Variants in EFNA5 observed in about 807,000 individuals in gnomAD.
EFNA5 encodes the protein ephrin A5.
EFNA5 carries 5 observed loss-of-function variants against 22.9 expected under a neutral mutation model. The ratio of observed to expected loss-of-function variants is 0.22; its 90% CI spans 0.11 to 0.46. The LOEUF (loss-of-function observed/expected upper bound fraction) is 0.46, where lower values mean the gene tolerates loss of function less well. EFNA5 is among the 20% of genes least tolerant of loss of function. EFNA5 has a pLI of 0.99. For missense variants in EFNA5, 237 were observed against 293.3 expected, an observed-to-expected ratio of 0.81 and a Z score of 1.40; for synonymous variants, 113 against 112.2, an observed-to-expected ratio of 1.01 and a Z score of -0.04.
chr5:107,553,423 G>C (rs1748341543), intron 1 of EFNA5, among the ~76,000 whole-genome samples: 1 of 152,198 alleles, frequency 6.6e-6, no homozygotes, highest in Non-Finnish European at 1.5e-5. Flanking sequence ...AGCTTGGTGA[G>C]AGTAATCTAC....
intron 2 of EFNA5, among the ~76,000 whole-genome samples, chr5:107,419,404 T>C (rs1748595459): frequency 6.6e-6 from 1 of 152,184 alleles, no homozygotes; most frequent in African/African-American, 2.4e-5. Flanking sequence ...ACAAAGCGAA[T>C]AGAAGGACTA....
intron 4 of EFNA5, among the ~76,000 whole-genome samples, chr5:107,384,872 T>A (rs1203128437): frequency 6.9e-6 from 1 of 145,360 alleles, no homozygotes; most frequent in Non-Finnish European, 1.5e-5. Flanking sequence ...TCTCAGCCTC[T>A]CAAATTGCTG....
chr5:107,490,187 C>G (rs1307785345), intron 1 of EFNA5, among the ~76,000 whole-genome samples: 2 of 152,202 alleles, frequency 1.3e-5, no homozygotes, highest in African/African-American at 4.8e-5. Flanking sequence ...CTTGGGTGTT[C>G]TGTCTCACTA....
At chr5:107,488,413 A>G (rs1277977820) in intron 1 of EFNA5, among the ~76,000 whole-genome samples, 2 of 152,212 alleles carry the variant, frequency 1.3e-5, no homozygotes, top group African/African-American at 4.8e-5. Flanking sequence ...GAAGTAAAGA[A>G]ATGATGTGCT....
At chr5:107,661,446 AG>A (rs1408486843) in intron 1 of EFNA5, among the ~76,000 whole-genome samples, 19 of 152,354 alleles carry the variant, frequency 1.2e-4, no homozygotes, top group African/African-American at 4.3e-4. Flanking sequence ...TCAAAGTGTC[AG>A]TCACTTCAAA....
intron 1 of EFNA5, among the ~76,000 whole-genome samples, chr5:107,548,132 G>C (rs1029608122): frequency 2.6e-5 from 4 of 152,152 alleles, no homozygotes; most frequent in Non-Finnish European, 1.5e-5. Context: ...GGTCCAGAGA[G>C]GCAAACTAAC....
intron 1 of EFNA5, among the ~76,000 whole-genome samples, chr5:107,521,113 G>C (rs140861350): frequency 1.7e-3 from 257 of 152,238 alleles, no homozygotes; most frequent in Middle Eastern, 0.01. Flanking sequence ...CTCATTGTGA[G>C]TTGAAAATTA....
intron 1 of EFNA5, among the ~76,000 whole-genome samples, chr5:107,637,837 T>TTTTATTTATTTA (rs34019093): frequency 2.3e-3 from 336 of 147,744 alleles, no homozygotes; most frequent in Non-Finnish European, 3.8e-3. Context: ...AACAGTTTAT[T>TTTTATTTATTTA]TTTATTTATT....
intron 1 of EFNA5, among the ~76,000 whole-genome samples, chr5:107,644,493 T>C (rs1468060132): frequency 1.3e-5 from 2 of 152,162 alleles, no homozygotes; most frequent in African/African-American, 2.4e-5. Flanking sequence ...CAAAGAAATC[T>C]CATATGTAAA....
intron 1 of EFNA5, among the ~76,000 whole-genome samples, chr5:107,491,439 G>A (rs1382847133): frequency 6.6e-6 from 1 of 152,162 alleles, no homozygotes; most frequent in Non-Finnish European, 1.5e-5. Flanking sequence ...AGCATCCTGA[G>A]TAGCTGGGAT....
Position 107,629,325 on chromosome 5 carries a change from GTCCTT to G in EFNA5, c.125+41159_125+41163del, listed in dbSNP as rs140890018. 5.9e-3 allele frequency among the ~76,000 whole-genome samples: 891 copies of G among 152,148 alleles called. 6 individuals carry two copies. The highest frequency in any genetic ancestry group is 0.02 in the African/African-American group (819 of 41,520). ...GTATTTAAAAAATACATTAAGCCCTGTCCTTTCCATATATATGTTAATGGAATACA... is the reference window on the plus strand; with the variant it reads ...GTATTTAAAAAATACATTAAGCCCTGTCCATATATATGTTAATGGAATACA... On this transcript the variant is annotated intron_variant, in intron 1 of 4. Transcript: ENST00000333274.
chr5:107,431,383 G>A (rs1390752321), intron 1 of EFNA5, among the ~76,000 whole-genome samples: 2 of 152,120 alleles, frequency 1.3e-5, no homozygotes, highest in Non-Finnish European at 2.9e-5. Flanking sequence ...GTATAAAGTA[G>A]AATGGAACCA....
chr5:107,578,945 A>G lies in EFNA5; in HGVS notation c.125+91544T>C, dbSNP rs191894498. Among the ~76,000 whole-genome samples, 71 of 152,306 alleles carry G rather than the reference A, an allele frequency of 4.7e-4. No individual in the cohort carries two copies. The East Asian group carries it at 0.013, about 27-fold the overall frequency. The stretch of plus-strand genomic sequence containing the variant: ...TCCAGCCTTGATCACATTTGTATTT[A>G]CACCAACACAGTCATAAGACAAAAT... On this transcript the variant is annotated intron_variant, in intron 1 of 4. Transcript: ENST00000333274.
chr5:107,380,235 T>C lies in EFNA5; in HGVS notation c.*1020A>G, dbSNP rs913243851. 3 of 152,060 alleles carry C rather than the reference T, an allele frequency of 2.0e-5. No individual in the cohort carries two copies. Among genetic ancestry groups the C allele is most frequent in the African/African-American group, 7.3e-5 (3 of 41,278 alleles). 9.4% of individuals were successfully genotyped at this position (152,060 alleles called of 1,614,324 possible). A position where few individuals can be genotyped will look rare whatever the true frequency, so the allele number is the denominator to read the frequency against. On this transcript the variant is annotated 3_prime_UTR_variant, in exon 5 of 5. Coordinates refer to ENST00000333274, the MANE Select transcript of EFNA5 (RefSeq NM_001962.3). ...CAGCAAAGCCAAATCATGTCTCCTC[T>C]GGCCACTGCGGTCCTCTCCTTGGTA... is the stretch of plus-strand genomic sequence containing the variant.
intron 1 of EFNA5, among the ~76,000 whole-genome samples, chr5:107,562,358 ATC>A (rs530421845): frequency 6.6e-6 from 1 of 150,578 alleles, no homozygotes; most frequent in African/African-American, 2.4e-5. Flanking sequence ...CTCTCTCTCC[ATC>A]TCTCTCTCTC....
chr5:107,579,158 T>G (rs1442069898), intron 1 of EFNA5, among the ~76,000 whole-genome samples: 2 of 152,114 alleles, frequency 1.3e-5, no homozygotes, highest in Non-Finnish European at 2.9e-5. Context: ...TGTCCTTATT[T>G]TATACAGAAG....
At chr5:107,421,200 A>C (rs1222966685) in intron 2 of EFNA5, among the ~76,000 whole-genome samples, 1 of 152,222 alleles carries the variant, frequency 6.6e-6, no homozygotes, top group African/African-American at 2.4e-5. Flanking sequence ...GTAAACTTTT[A>C]ATCTAAATAC....
At position 107,588,526 on chromosome 5, in the gene EFNA5, C is replaced by T. The variant is rs577771179; in HGVS notation, c.125+81963G>A. Among the ~76,000 whole-genome samples, 4 of 152,290 alleles carry T rather than the reference C, an allele frequency of 2.6e-5. No homozygotes were observed. The South Asian group carries it at 8.3e-4, about 32-fold the overall frequency. On this transcript the variant is annotated intron_variant, in intron 1 of 4. Coordinates refer to ENST00000333274, the MANE Select transcript of EFNA5 (RefSeq NM_001962.3). Reference sequence around the variant, plus strand: ...TCATAGACCAGTTTATGCTCCACAGCAGAGAGATTATTAAAAACTATATAT... The same window carrying T: ...TCATAGACCAGTTTATGCTCCACAGTAGAGAGATTATTAAAAACTATATAT...
intron 1 of EFNA5, among the ~76,000 whole-genome samples, chr5:107,543,872 C>A (rs149867602): frequency 3.3e-5 from 5 of 152,258 alleles, no homozygotes; most frequent in African/African-American, 1.2e-4. Context: ...AAATACCGAA[C>A]CTATAAGCAT....
Sources: allele counts gnomAD v4.1 joint callset (sites outside exome capture counted in the v4.1 genomes callset), GRCh38; gene constraint gnomAD v4.1.1; transcripts MANE v1.5; gene names NCBI Gene and HGNC (gene_info 2026-07-23, HGNC 2026-07-21).